The following THSD7A variants were observed in gnomAD, a reference collection of about 807,000 sequenced individuals.
THSD7A encodes thrombospondin type-1 domain-containing protein 7A.
THSD7A carries 96 observed loss-of-function variants against 231.3 expected under a neutral mutation model. That is an observed-to-expected ratio of 0.41 (90% CI 0.35 to 0.49). The LOEUF (loss-of-function observed/expected upper bound fraction) is 0.49, where lower values mean the gene tolerates loss of function less well. Among genes scored for constraint, THSD7A ranks in the 20% least tolerant of loss-of-function variants. The probability of loss-of-function intolerance (pLI) is 0.05; values close to 1 mark genes in which losing one functional copy is unlikely to be tolerated. For synonymous variants in THSD7A, 940 were observed against 743.3 expected, an observed-to-expected ratio of 1.26 and a Z score of -4.30; for missense variants, 2,290 against 2,070.2, an observed-to-expected ratio of 1.11 and a Z score of -2.06.
intron 6 of THSD7A, among the ~76,000 whole-genome samples, chr7:11,487,457 C>T (rs1302285457): frequency 6.6e-6 from 1 of 152,042 alleles, no homozygotes; most frequent in Non-Finnish European, 1.5e-5. Flanking sequence ...TTTGGTTTAG[C>T]AATTGAGCAA....
At chr7:11,664,045 C>A (rs1390976190) in intron 1 of THSD7A, among the ~76,000 whole-genome samples, 1 of 151,618 alleles carries the variant, frequency 6.6e-6, no homozygotes, top group Non-Finnish European at 1.5e-5. Context: ...TCTTTTACTT[C>A]TGAGTAACAT....
chr7:11,494,727 T>G (rs979572878), intron 6 of THSD7A, among the ~76,000 whole-genome samples: 1 of 152,028 alleles, frequency 6.6e-6, no homozygotes, highest in African/African-American at 2.4e-5. Flanking sequence ...TTCTAGTCCA[T>G]ATTCCCAGAC....
chr7:11,416,078 G>T (rs114656969), intron 17 of THSD7A, among the ~76,000 whole-genome samples: 2,242 of 152,148 alleles, frequency 0.015, 65 homozygotes, highest in African/African-American at 0.051. Flanking sequence ...GAAATATAAA[G>T]CCCAGGAAGC....
At chr7:11,575,111 A>C (rs1254482993) in intron 4 of THSD7A, among the ~76,000 whole-genome samples, 3 of 152,216 alleles carry the variant, frequency 2.0e-5, no homozygotes, top group African/African-American at 7.2e-5. Flanking sequence ...AATGTAAAAC[A>C]CTTAGAATAG....
chr7:11,412,988 C>T (rs1345706828), intron 17 of THSD7A, among the ~76,000 whole-genome samples, 188 bp from the exon 18 acceptor site: 1 of 152,064 alleles, frequency 6.6e-6, no homozygotes, highest in African/African-American at 2.4e-5. Flanking sequence ...TTTTGATGTA[C>T]CATCTAGCTA....
intron 1 of THSD7A, among the ~76,000 whole-genome samples, chr7:11,771,357 C>T (rs1207713640): frequency 4.0e-5 from 6 of 151,540 alleles, no homozygotes; most frequent in Admixed American, 3.9e-4. Flanking sequence ...GAATATGAAG[C>T]CATTGATGTT....
At chr7:11,481,709 A>G in intron 7 of THSD7A, 79 bp downstream of exon 7, 15 of 1,393,530 alleles carry the variant, frequency 1.1e-5, no homozygotes, top group Non-Finnish European at 1.4e-5. Context: ...ATAGAATATC[A>G]TCTTTTCCAG....
intron 1 of THSD7A, among the ~76,000 whole-genome samples, chr7:11,681,770 A>G (rs1419195803): frequency 6.6e-6 from 1 of 151,970 alleles, no homozygotes; most frequent in Non-Finnish European, 1.5e-5. Context: ...GTCCTGTGAG[A>G]TACTAAGCAA....
At chr7:11,819,814 C>T (rs1044318506) in intron 1 of THSD7A, among the ~76,000 whole-genome samples, 4 of 152,020 alleles carry the variant, frequency 2.6e-5, no homozygotes, top group African/African-American at 9.7e-5. Context: ...AAACCATGGA[C>T]GTTGGTTAAT....
chr7:11,568,433 G>A (rs1363803626), intron 4 of THSD7A, among the ~76,000 whole-genome samples: 2 of 151,898 alleles, frequency 1.3e-5, no homozygotes, highest in East Asian at 3.9e-4. Context: ...AGACCATCCT[G>A]GCTAACATGG....
chr7:11,487,294 T>C (rs1484727765), intron 6 of THSD7A, among the ~76,000 whole-genome samples: 1 of 152,124 alleles, frequency 6.6e-6, no homozygotes, highest in Non-Finnish European at 1.5e-5. Flanking sequence ...AAGACTACCA[T>C]AGAAACACAA....
At chr7:11,510,900 T>A (rs1284952172) in intron 6 of THSD7A, among the ~76,000 whole-genome samples, 2 of 152,094 alleles carry the variant, frequency 1.3e-5, no homozygotes, top group African/African-American at 4.8e-5. Context: ...CTCTCACCTC[T>A]CCTGTTCAAC....
intron 2 of THSD7A, among the ~76,000 whole-genome samples, chr7:11,624,327 GT>G (rs1733537379): frequency 6.6e-6 from 1 of 151,996 alleles, no homozygotes; most frequent in African/African-American, 2.4e-5. Flanking sequence ...TTTTGCCTCA[GT>G]TTACTGAAGA....
chr7:11,821,267 G>C, intron 1 of THSD7A: 4 of 1,068,342 alleles, frequency 3.7e-6, no homozygotes, highest in Non-Finnish European at 5.8e-6. Flanking sequence ...TGAGCTGACT[G>C]TATGTGCTGG....
At chr7:11,641,128 CTTACTTTGA>C (rs1782062867) in intron 1 of THSD7A, among the ~76,000 whole-genome samples, 1 of 152,052 alleles carries the variant, frequency 6.6e-6, no homozygotes, top group Admixed American at 6.6e-5. Context: ...TAAGATAGTT[CTTACTTTGA>C]TGTTCCTCAT....
chr7:11,430,235 A>C (rs10253716), intron 13 of THSD7A, among the ~76,000 whole-genome samples: 7,633 of 152,248 alleles, frequency 0.05, 404 homozygotes, highest in African/African-American at 0.11. Flanking sequence ...TATTCCATAA[A>C]AATAACCCCA....
chr7:11,516,289 T>C (rs1289542131), intron 6 of THSD7A, among the ~76,000 whole-genome samples: 2 of 152,192 alleles, frequency 1.3e-5, no homozygotes, highest in East Asian at 3.8e-4. Flanking sequence ...TTTAAACTAA[T>C]GCATTGACCC....
At chr7:11,790,795 T>C (rs1783929613) in intron 1 of THSD7A, among the ~76,000 whole-genome samples, 1 of 152,040 alleles carries the variant, frequency 6.6e-6, no homozygotes, top group Admixed American at 6.6e-5. Context: ...GTACAAAGAC[T>C]GGCAGACAAT....
At chr7:11,820,837 T>C in intron 1 of THSD7A, 1 of 972,706 alleles carries the variant, frequency 1.0e-6, no homozygotes, top group South Asian at 1.3e-5. Flanking sequence ...GCTTCTTTGA[T>C]CCTTTATAAG....
Sources: gnomAD v4.1 joint callset for allele counts (sites outside exome capture counted in the v4.1 genomes callset) on GRCh38, gnomAD v4.1.1 for gene constraint, MANE v1.5 for transcripts, NCBI Gene and HGNC (gene_info 2026-07-23, HGNC 2026-07-21) for gene names.